Variants in PCDH7 observed in about 807,000 individuals in gnomAD.
PCDH7 encodes protocadherin 7.
A neutral mutation model predicts 58.9 loss-of-function variants in PCDH7; 17 were observed. That is an observed-to-expected ratio of 0.29 (90% CI 0.20 to 0.43). The LOEUF (loss-of-function observed/expected upper bound fraction) is 0.43. PCDH7 is among the 20% of genes least tolerant of loss of function. PCDH7 has a pLI of 1.00. For missense variants in PCDH7, 1,274 were observed against 1,441.0 expected (o/e 0.88, Z 1.88); for synonymous variants, 664 against 616.4 (o/e 1.08, Z -1.14).
intron 1 of PCDH7, among the ~76,000 whole-genome samples, chr4:30,893,237 G>A (rs7669632): frequency 0.026 from 3,889 of 151,988 alleles, 169 homozygotes; most frequent in African/African-American, 0.087. Flanking sequence ...TTCTTTAACC[G>A]TTAAAATAAG....
intron 3 of PCDH7, among the ~76,000 whole-genome samples, chr4:30,960,461 A>T (rs1002509060): frequency 6.6e-6 from 1 of 152,132 alleles, no homozygotes; most frequent in Admixed American, 6.5e-5. Context: ...TGAGGGTGGA[A>T]TTCCTTTGGC....
At chr4:30,814,258 A>G (rs547745317) in intron 1 of PCDH7, among the ~76,000 whole-genome samples, 1 of 152,162 alleles carries the variant, frequency 6.6e-6, no homozygotes, top group South Asian at 2.1e-4. Flanking sequence ...ATACGCCTAT[A>G]TTAAATATAT....
At chr4:30,809,110 T>C (rs1169567354) in intron 1 of PCDH7, among the ~76,000 whole-genome samples, 2 of 152,250 alleles carry the variant, frequency 1.3e-5, no homozygotes, top group Non-Finnish European at 2.9e-5. Flanking sequence ...GCATTCTCTA[T>C]TAAGTCTACA....
intron 3 of PCDH7, among the ~76,000 whole-genome samples, chr4:31,056,473 GAA>G (rs1757211982): frequency 7.9e-6 from 1 of 126,128 alleles, no homozygotes. Context: ...AAGAAAGAAA[GAA>G]AGAAAGAAAG....
At chr4:31,105,093 G>A (rs940988845) in intron 3 of PCDH7, among the ~76,000 whole-genome samples, 1 of 152,142 alleles carries the variant, frequency 6.6e-6, no homozygotes, top group Non-Finnish European at 1.5e-5. Flanking sequence ...GTAGAATGGG[G>A]AATAAAGTTC....
intron 3 of PCDH7, among the ~76,000 whole-genome samples, chr4:31,044,061 G>A (rs1013385882): frequency 6.6e-6 from 1 of 152,102 alleles, no homozygotes; most frequent in South Asian, 2.1e-4. Flanking sequence ...CCTAAAAGTG[G>A]CAATCTCTTA....
intron 3 of PCDH7, among the ~76,000 whole-genome samples, chr4:30,993,630 A>T (rs542815190): frequency 6.6e-6 from 1 of 152,324 alleles, no homozygotes; most frequent in East Asian, 1.9e-4. Flanking sequence ...CTTTACAAGA[A>T]AAAGTGAACT....
At chr4:31,030,697 G>T (rs1425801340) in intron 3 of PCDH7, among the ~76,000 whole-genome samples, 1 of 152,114 alleles carries the variant, frequency 6.6e-6, no homozygotes, top group Non-Finnish European at 1.5e-5. Flanking sequence ...ATCTGCAAAA[G>T]AAAAGACAAG....
rs188642234 is a variant in PCDH7 at position 31,002,269 on chromosome 4, C to T, written c.*7+52054C>T. 4.6e-3 allele frequency among the ~76,000 whole-genome samples: 699 copies of T among 152,278 alleles called. 10 individuals carry two copies. The highest frequency in any genetic ancestry group is 5.7e-3 in the Non-Finnish European group (385 of 68,010). ...CCTTTCAAAGGGATAAAATGATAAG[C>T]ACTCAGGCACCATGGTTTCACCAGC... On this transcript the variant is annotated intron_variant, in intron 3 of 3. Coordinates refer to the PCDH7 transcript ENST00000509759.
At chr4:31,139,958 AT>A (rs2109346446) in intron 3 of PCDH7, among the ~76,000 whole-genome samples, 1 of 152,306 alleles carries the variant, frequency 6.6e-6, no homozygotes, top group African/African-American at 2.4e-5. Context: ...TTGCATGTAT[AT>A]GATGGCACAG....
intron 3 of PCDH7, among the ~76,000 whole-genome samples, chr4:31,040,388 T>G (rs1251872244): frequency 6.6e-6 from 1 of 152,200 alleles, no homozygotes; most frequent in Non-Finnish European, 1.5e-5. Context: ...TCTGGCTCCT[T>G]TTGCTCAATT....
At chr4:31,095,390 A>G (rs946721603) in intron 3 of PCDH7, among the ~76,000 whole-genome samples, 4 of 152,082 alleles carry the variant, frequency 2.6e-5, no homozygotes, top group Non-Finnish European at 5.9e-5. Context: ...TAGCTTTTCT[A>G]TTCCTACTGA....
rs369322183 is a variant in PCDH7, at chr4:30,821,085, G to A, written c.70+96489G>A. Among the ~76,000 whole-genome samples, 3 of 152,260 alleles carry A rather than the reference G, an allele frequency of 2.0e-5. No homozygotes were observed. In the East Asian group the frequency reaches 5.8e-4, roughly 30 times the overall value. ...ACTTATGAATTGTCACAATGACTGC[G>A]TGAGATAGGTACTGTTATTTGACCC... is the stretch of plus-strand genomic sequence containing the variant. On this transcript the variant is annotated intron_variant, in intron 1 of 3. Coordinates refer to the PCDH7 transcript ENST00000509759.
intron 3 of PCDH7, among the ~76,000 whole-genome samples, chr4:30,956,081 G>A (rs1747836115): frequency 6.6e-6 from 1 of 151,788 alleles, no homozygotes; most frequent in African/African-American, 2.4e-5. Context: ...AGGCAAGGTG[G>A]TGCACGCCTG....
chr4:30,815,337 G>C (rs1727535626), intron 1 of PCDH7, among the ~76,000 whole-genome samples: 1 of 152,018 alleles, frequency 6.6e-6, no homozygotes, highest in Non-Finnish European at 1.5e-5. Context: ...ACCGAAATGA[G>C]TTTTAGAGCA....
intron 2 of PCDH7, among the ~76,000 whole-genome samples, chr4:30,948,831 C>G (rs1175554861): frequency 6.6e-6 from 1 of 151,976 alleles, no homozygotes; most frequent in African/African-American, 2.4e-5. Flanking sequence ...TAACTAGATA[C>G]GATGGCTAAT....
chr4:30,932,521 C>G (rs1744773811), intron 2 of PCDH7, among the ~76,000 whole-genome samples: 1 of 152,128 alleles, frequency 6.6e-6, no homozygotes, highest in African/African-American at 2.4e-5. Flanking sequence ...ATAATCTAAA[C>G]AATTGCTACA....
chr4:31,051,865 T>A (rs1194767672), intron 3 of PCDH7, among the ~76,000 whole-genome samples: 1 of 151,920 alleles, frequency 6.6e-6, no homozygotes, highest in Non-Finnish European at 1.5e-5. Flanking sequence ...TTCATGATAT[T>A]TCATTTATTT....
intron 3 of PCDH7, among the ~76,000 whole-genome samples, chr4:30,983,167 A>G (rs1750710326): frequency 6.6e-6 from 1 of 152,194 alleles, no homozygotes; most frequent in South Asian, 2.1e-4. Context: ...ACATTGGCCA[A>G]ATCATTTGAA....
Sources: allele counts gnomAD v4.1 joint callset (sites outside exome capture counted in the v4.1 genomes callset), GRCh38; gene constraint gnomAD v4.1.1; transcripts MANE v1.5; gene names NCBI Gene and HGNC (gene_info 2026-07-23, HGNC 2026-07-21).